Variants in DCT observed in about 807,000 individuals in gnomAD.
DCT encodes L-dopachrome tautomerase.
DCT carries 47 observed loss-of-function variants against 53.0 expected under a neutral mutation model. The ratio of observed to expected loss-of-function variants is 0.89; its 90% CI spans 0.70 to 1.13. The LOEUF is 1.13. DCT is among the 50% of genes most tolerant of loss of function. The pLI is 0.00. For missense variants in DCT, 669 were observed against 637.4 expected, an observed-to-expected ratio of 1.05 and a Z score of -0.53; for synonymous variants, 244 against 237.0, an observed-to-expected ratio of 1.03 and a Z score of -0.27.
the DCT span, among the ~76,000 whole-genome samples, chr13:94,526,198 T>C: frequency 2.6e-5 from 4 of 152,158 alleles, no homozygotes; most frequent in African/African-American, 9.7e-5. Context: ...GCCCACTCAT[T>C]TAGTTAACAC....
the DCT span, among the ~76,000 whole-genome samples, chr13:94,501,145 T>C: frequency 3.3e-5 from 5 of 152,108 alleles, no homozygotes; most frequent in African/African-American, 1.2e-4. Context: ...GGCGGGCACC[T>C]GCAGTCCCAG....
chr13:94,491,028 T>C, the DCT span, among the ~76,000 whole-genome samples: 1 of 152,196 alleles, frequency 6.6e-6, no homozygotes, highest in African/African-American at 2.4e-5. Flanking sequence ...AGCAACCTTC[T>C]TGTGGAAACA....
At chr13:94,529,647 A>G in the DCT span, among the ~76,000 whole-genome samples, 1 of 152,264 alleles carries the variant, frequency 6.6e-6, no homozygotes, top group African/African-American at 2.4e-5. Context: ...AGCAGTGTGT[A>G]GAGGTAAATT....
At chr13:94,547,984 A>AAAAAAAATATATATATAT in the DCT span, among the ~76,000 whole-genome samples, 10 of 65,816 alleles carry the variant, frequency 1.5e-4, no homozygotes, top group African/African-American at 1.2e-3. Flanking sequence ...AAAAAAAAAA[A>AAAAAAAATATATATATAT]ATATATATAT....
chr13:94,438,814 A>G lies in DCT; in HGVS notation c.*1084T>C, dbSNP rs1176683699. On this transcript the variant is annotated 3_prime_UTR_variant, in exon 8 of 8. Coordinates refer to ENST00000377028, the MANE Select transcript of DCT (RefSeq NM_001922.5). ...TGTACAGATGGTTTGCTTTCAAATG[A>G]TAAGACTTAATTGATCAGCATTCAT... The G allele has an allele frequency of 1.5e-5, 5 of 339,632 alleles. No homozygotes were observed. The allele number at this position is 339,632 out of a possible 1,614,324, so 21.0% of individuals were successfully genotyped here. A position where few individuals can be genotyped will look rare whatever the true frequency, so the allele number is the denominator to read the frequency against.
the DCT span, among the ~76,000 whole-genome samples, chr13:94,514,379 C>T: frequency 6.6e-6 from 1 of 152,224 alleles, no homozygotes; most frequent in African/African-American, 2.4e-5. Context: ...ACCCCTTCCT[C>T]TTGTTTCCCT....
chr13:94,488,869 CACAT>C, the DCT span, among the ~76,000 whole-genome samples: 702 of 75,248 alleles, frequency 9.3e-3, 4 homozygotes, highest in African/African-American at 0.027. Context: ...TACATACACA[CACAT>C]ACACACACAA....
At chr13:94,501,095 T>C in the DCT span, among the ~76,000 whole-genome samples, 1 of 151,898 alleles carries the variant, frequency 6.6e-6, no homozygotes, top group Non-Finnish European at 1.5e-5. Flanking sequence ...TGAAACCCCA[T>C]CTCTACTAAA....
Position 94,438,702 on chromosome 13 carries a change from C to T in DCT, c.*1196G>A, listed in dbSNP as rs544349608. The stretch of plus-strand genomic sequence containing the variant: ...GGTCCATCATGATAAGTCTGAACAT[C>T]GTAGTAAAGATTGTCTCATTCTTAT... On this transcript the variant is annotated 3_prime_UTR_variant, in exon 8 of 8. Transcript: ENST00000377028. 4 of 454,474 alleles carry T rather than the reference C, an allele frequency of 8.8e-6. No homozygotes were observed. Among genetic ancestry groups the T allele is most frequent in the East Asian group, 7.0e-5 (1 of 14,376 alleles). The allele number at this position is 454,474 out of a possible 1,614,324, so 28.2% of individuals were successfully genotyped here. A position where few individuals can be genotyped will look rare whatever the true frequency, so the allele number is the denominator to read the frequency against.
chr13:94,531,980 C>T, the DCT span, among the ~76,000 whole-genome samples: 10 of 151,994 alleles, frequency 6.6e-5, no homozygotes, highest in East Asian at 9.6e-4. Flanking sequence ...TCAAAGGATA[C>T]GAATAGACGC....
chr13:94,493,445 T>C, the DCT span, among the ~76,000 whole-genome samples: 2 of 152,148 alleles, frequency 1.3e-5, no homozygotes, highest in Admixed American at 6.5e-5. Context: ...TCCCAAGGCA[T>C]ATGAGGACTA....
chr13:94,460,783 A>T (rs950515219), intron 5 of DCT, among the ~76,000 whole-genome samples: 3 of 152,128 alleles, frequency 2.0e-5, no homozygotes, highest in African/African-American at 7.2e-5. Flanking sequence ...AAAGAAAAAA[A>T]TTTTCTACCA....
intron 7 of DCT, among the ~76,000 whole-genome samples, 175 bp from the exon 8 acceptor site, chr13:94,440,251 T>C (rs1207248666): frequency 1.3e-5 from 2 of 152,212 alleles, no homozygotes. Flanking sequence ...TCCACAATTG[T>C]TTTTCTTGGG....
chr13:94,471,663 C>T (rs2031527), intron 1 of DCT, among the ~76,000 whole-genome samples: 27,429 of 152,084 alleles, frequency 0.18, 2,624 homozygotes, highest in Non-Finnish European at 0.2. Context: ...TATGACAGTA[C>T]AGGAATGGAA....
chr13:94,549,353 G>A, the DCT span, among the ~76,000 whole-genome samples: 2 of 152,186 alleles, frequency 1.3e-5, no homozygotes, highest in African/African-American at 4.8e-5. Flanking sequence ...GCGCGGCCCC[G>A]TCTCGCCACC....
intron 2 of DCT, chr13:94,466,901 A>G: frequency 3.9e-6 from 1 of 258,254 alleles, no homozygotes; most frequent in East Asian, 7.1e-5. Flanking sequence ...GCAGAGATCC[A>G]GGAAATTCAG....
the DCT span, among the ~76,000 whole-genome samples, chr13:94,487,912 G>C: frequency 6.6e-6 from 1 of 151,932 alleles, no homozygotes; most frequent in Middle Eastern, 3.4e-3. Flanking sequence ...TTCTTCAGAG[G>C]AATTAAGGGT....
At chr13:94,504,176 A>G in the DCT span, among the ~76,000 whole-genome samples, 1 of 152,332 alleles carries the variant, frequency 6.6e-6, no homozygotes, top group East Asian at 1.9e-4. Flanking sequence ...AATGTAATTA[A>G]TCTTCAGCTA....
the DCT span, among the ~76,000 whole-genome samples, chr13:94,510,247 C>T: frequency 2.0e-5 from 3 of 152,162 alleles, no homozygotes; most frequent in East Asian, 1.9e-4. Context: ...GTCCCACCTG[C>T]AGGTTTCCTG....
Sources: allele counts gnomAD v4.1 joint callset (sites outside exome capture counted in the v4.1 genomes callset), GRCh38; gene constraint gnomAD v4.1.1; transcripts MANE v1.5; gene names NCBI Gene and HGNC (gene_info 2026-07-23, HGNC 2026-07-21).